Variants in SLCO3A1 observed in about 807,000 individuals in gnomAD.
SLCO3A1 encodes PGE1 transporter.
In SLCO3A1, 27 loss-of-function variants were observed where a neutral mutation model predicts 63.1. The observed-to-expected ratio is 0.43, with a 90% CI of 0.32 to 0.59. SLCO3A1 has a LOEUF of 0.59. Ranked by LOEUF, SLCO3A1 falls within the 20% of genes least tolerant of loss-of-function variation. The pLI is 0.09. For missense variants in SLCO3A1, 773 were observed against 945.8 expected, an observed-to-expected ratio of 0.82 and a Z score of 2.40; for synonymous variants, 473 against 409.9, an observed-to-expected ratio of 1.15 and a Z score of -1.86.
chr15:91,861,931 T>G (rs564460339), intron 1 of SLCO3A1, among the ~76,000 whole-genome samples: 32 of 128,030 alleles, frequency 2.5e-4, no homozygotes, highest in African/African-American at 9.3e-4. Flanking sequence ...TGAGCCACGG[T>G]GCCTTGCCAA....
intron 2 of SLCO3A1, among the ~76,000 whole-genome samples, chr15:91,962,521 C>T (rs1348789121): frequency 1.3e-5 from 2 of 149,402 alleles, no homozygotes; most frequent in Non-Finnish European, 3.0e-5. Flanking sequence ...TTTCCTGTGG[C>T]CTGAGAAAGA....
chr15:91,933,441 G>A (rs1420284948), intron 2 of SLCO3A1, among the ~76,000 whole-genome samples: 1 of 151,994 alleles, frequency 6.6e-6, no homozygotes, highest in African/African-American at 2.4e-5. Flanking sequence ...TTTAAAAAAT[G>A]ACCAAATACA....
At chr15:91,919,193 G>A (rs1175549116) in intron 2 of SLCO3A1, among the ~76,000 whole-genome samples, 1 of 152,200 alleles carries the variant, frequency 6.6e-6, no homozygotes, top group Non-Finnish European at 1.5e-5. Context: ...ACAACCCAGG[G>A]CAAAGTGAAG....
intron 2 of SLCO3A1, among the ~76,000 whole-genome samples, chr15:92,009,322 C>T (rs1010602083): frequency 7.2e-5 from 11 of 152,194 alleles, no homozygotes; most frequent in African/African-American, 2.7e-4. Flanking sequence ...CACGAGAGAA[C>T]AGATACAAAG....
chr15:92,101,284 G>A (rs2047601848), intron 3 of SLCO3A1, among the ~76,000 whole-genome samples: 1 of 152,132 alleles, frequency 6.6e-6, no homozygotes, highest in Non-Finnish European at 1.5e-5. Context: ...CAACGCGGGT[G>A]GATCACCTGA....
In SLCO3A1 at chr15:91,885,958, G is replaced by A. The variant is rs905506665; in HGVS notation, c.181-30035G>A. On this transcript the variant is annotated intron_variant, in intron 1 of 9. Coordinates refer to ENST00000318445, the MANE Select transcript of SLCO3A1 (RefSeq NM_013272.4). The surrounding 1 kb of genome is among the most constrained non-coding windows in gnomAD (Gnocchi z 4.7). ...GTGGTCGGGGAGTGGAAAGACCAGT[G>A]TGTCTCTAGCAGAGAGGGTGAGAGG... Among the ~76,000 whole-genome samples, 6 of 152,192 alleles carry A rather than the reference G, an allele frequency of 3.9e-5. No homozygotes were observed. Among genetic ancestry groups the A allele is most frequent in the Non-Finnish European group, 8.8e-5 (6 of 68,030 alleles).
chr15:91,988,749 G>T (rs1411261078), intron 2 of SLCO3A1, among the ~76,000 whole-genome samples: 1 of 152,170 alleles, frequency 6.6e-6, no homozygotes, highest in African/African-American at 2.4e-5. Flanking sequence ...GCTGGTCCAG[G>T]AACCAGGCTT....
rs769684600 is a variant in SLCO3A1 at position 92,133,532 on chromosome 15, G to A, written c.1512+5043G>A. Among the ~76,000 whole-genome samples, 12 of 145,486 alleles carry A rather than the reference G, an allele frequency of 8.2e-5. 1 individual carries two copies. The highest frequency in any genetic ancestry group is 2.2e-4 in the South Asian group (1 of 4,592). On this transcript the variant is annotated intron_variant, in intron 7 of 9. Transcript: ENST00000318445. ...TCTGTATTTATAGCCGCTCCCCATC[G>A]CTCACATTACTGCCTGAGCTCTGCC...
At chr15:92,150,240 C>T (rs1343404316) in intron 8 of SLCO3A1, among the ~76,000 whole-genome samples, 1 of 152,268 alleles carries the variant, frequency 6.6e-6, no homozygotes, top group East Asian at 1.9e-4. Context: ...TTTCTGCCTG[C>T]TTTATATTCT....
intron 2 of SLCO3A1, among the ~76,000 whole-genome samples, chr15:91,957,126 A>T (rs75851561): frequency 2.9e-4 from 4 of 13,860 alleles, no homozygotes; most frequent in African/African-American, 1.9e-3. Context: ...AATATATATA[A>T]TATATATACT....
chr15:91,984,450 G>C (rs2046025716), intron 2 of SLCO3A1, among the ~76,000 whole-genome samples: 1 of 152,158 alleles, frequency 6.6e-6, no homozygotes, highest in South Asian at 2.1e-4. Flanking sequence ...TGAGAGATAA[G>C]ATGATGTATT....
intron 2 of SLCO3A1, among the ~76,000 whole-genome samples, chr15:91,919,728 C>T (rs1280808988): frequency 6.6e-6 from 1 of 151,758 alleles, no homozygotes; most frequent in Non-Finnish European, 1.5e-5. Context: ...ATGGAATGGG[C>T]TTACTGTGCC....
chr15:92,166,933 C>T (rs2048496643), downstream of SLCO3A1, among the ~76,000 whole-genome samples: 1 of 152,210 alleles, frequency 6.6e-6, no homozygotes, highest in African/African-American at 2.4e-5. Context: ...GCTCTAAGCC[C>T]TGCTAGGAAC....
intron 5 of SLCO3A1, among the ~76,000 whole-genome samples, chr15:92,124,422 T>C (rs1280436689): frequency 1.6e-4 from 24 of 152,120 alleles, no homozygotes; most frequent in Admixed American, 6.5e-5. Context: ...CCCCACTGTC[T>C]CTGCTAGGAA....
intron 2 of SLCO3A1, among the ~76,000 whole-genome samples, chr15:92,058,185 G>C (rs1336367068): frequency 6.6e-6 from 1 of 152,068 alleles, no homozygotes; most frequent in Non-Finnish European, 1.5e-5. Context: ...GTGTGTGTTT[G>C]TGCACGCCTG....
At chr15:91,965,690 C>T (rs1900631821) in intron 2 of SLCO3A1, among the ~76,000 whole-genome samples, 1 of 151,828 alleles carries the variant, frequency 6.6e-6, no homozygotes, top group Admixed American at 6.6e-5. Flanking sequence ...CTTTTGTCTA[C>T]AGGTGCACTT....
rs146969122 is a variant in SLCO3A1 at position 91,988,506 on chromosome 15, A to G, written c.646+72048A>G. Among the ~76,000 whole-genome samples the G allele has an allele frequency of 4.3e-3, 656 of 152,122 alleles. 7 individuals are homozygous for G. Among genetic ancestry groups the G allele is most frequent in the African/African-American group, 0.015 (611 of 41,542 alleles). On this transcript the variant is annotated intron_variant, in intron 2 of 9. Transcript: ENST00000318445. ...GTGAGCCCAAGGAAAACTTGATTACATGGGATGGTTCAGCATGAGACACGA... is the reference window on the plus strand; with the variant it reads ...GTGAGCCCAAGGAAAACTTGATTACGTGGGATGGTTCAGCATGAGACACGA...
chr15:91,937,605 G>C (rs1899459876), intron 2 of SLCO3A1, among the ~76,000 whole-genome samples: 1 of 151,950 alleles, frequency 6.6e-6, no homozygotes, highest in Admixed American at 6.6e-5. Flanking sequence ...TGTAATCCCA[G>C]CTACTTGGGG....
intron 2 of SLCO3A1, among the ~76,000 whole-genome samples, chr15:91,962,765 G>T (rs1900497500): frequency 6.6e-6 from 1 of 152,034 alleles, no homozygotes; most frequent in Non-Finnish European, 1.5e-5. Context: ...CCAAACTGAG[G>T]GTCCTCGGGC....
Sources: gnomAD v4.1 joint callset for allele counts (sites outside exome capture counted in the v4.1 genomes callset) on GRCh38, gnomAD v4.1.1 for gene constraint, Gnocchi (gnomAD v3.1) non-coding constraint, MANE v1.5 for transcripts, NCBI Gene and HGNC (gene_info 2026-07-23, HGNC 2026-07-21) for gene names.